OR1J2: variants seen among roughly 807,000 people sequenced by gnomAD.
OR1J2 encodes olfactory receptor 1J2.
For synonymous variants in OR1J2, 142 were observed against 99.7 expected, an observed-to-expected ratio of 1.42 and a Z score of -2.52; for missense variants, 304 against 246.1, an observed-to-expected ratio of 1.24 and a Z score of -1.57.
At chr9:122,574,362 T>G in the OR1J2 span, among the ~76,000 whole-genome samples, 3 of 152,208 alleles carry the variant, frequency 2.0e-5, no homozygotes, top group African/African-American at 7.2e-5. Flanking sequence ...TTAGTTCTTT[T>G]ATCTTTCATC....
the OR1J2 span, among the ~76,000 whole-genome samples, chr9:122,578,172 T>G: frequency 6.6e-6 from 1 of 152,186 alleles, no homozygotes; most frequent in African/African-American, 2.4e-5. Context: ...TATACAAGGC[T>G]GAGTGCAGTG....
At chr9:122,516,072 G>A (rs1194958844), downstream of OR1J2, among the ~76,000 whole-genome samples, 1 of 152,064 alleles carries the variant, frequency 6.6e-6, no homozygotes, top group Non-Finnish European at 1.5e-5. Context: ...CAGGGATTAT[G>A]TTCACAATTC....
chr9:122,543,714 C>T, the OR1J2 span, among the ~76,000 whole-genome samples: 1 of 152,094 alleles, frequency 6.6e-6, no homozygotes, highest in Non-Finnish European at 1.5e-5. Context: ...GTTGACTGTC[C>T]CAGCTAACTT....
the OR1J2 span, among the ~76,000 whole-genome samples, chr9:122,563,237 T>G: frequency 3.9e-5 from 6 of 152,086 alleles, no homozygotes; most frequent in Non-Finnish European, 7.4e-5. Context: ...TGAGGTGATA[T>G]CTCATTGTGT....
At chr9:122,554,149 C>T in the OR1J2 span, 1 of 1,610,910 alleles carries the variant, frequency 6.2e-7, no homozygotes, top group Non-Finnish European at 8.5e-7. Flanking sequence ...AGTGGAAAAA[C>T]ATTCTTTTTA....
chr9:122,543,963 G>C, the OR1J2 span, among the ~76,000 whole-genome samples: 1 of 152,138 alleles, frequency 6.6e-6, no homozygotes, highest in Non-Finnish European at 1.5e-5. Flanking sequence ...ACCGATTTTG[G>C]TTATCATAAT....
At chr9:122,465,331 C>G in the OR1J2 span, among the ~76,000 whole-genome samples, 1 of 152,162 alleles carries the variant, frequency 6.6e-6, no homozygotes, top group South Asian at 2.1e-4. Context: ...CCTATCATTC[C>G]CTGACAGGGC....
chr9:122,530,238 G>A, the OR1J2 span, among the ~76,000 whole-genome samples: 1 of 152,168 alleles, frequency 6.6e-6, no homozygotes, highest in Non-Finnish European at 1.5e-5. Context: ...AAATCAGAAG[G>A]AGGAGTATTT....
At chr9:122,545,170 C>T in the OR1J2 span, among the ~76,000 whole-genome samples, 1 of 151,752 alleles carries the variant, frequency 6.6e-6, no homozygotes, top group Non-Finnish European at 1.5e-5. Context: ...TTTATAATTT[C>T]ATCTTAGTTG....
chr9:122,576,336 C>G, the OR1J2 span, among the ~76,000 whole-genome samples: 1 of 151,964 alleles, frequency 6.6e-6, no homozygotes, highest in East Asian at 1.9e-4. Flanking sequence ...ATTCTCCTGG[C>G]TCAGCCTCCC....
the OR1J2 span, chr9:122,526,783 C>T: frequency 2.5e-6 from 4 of 1,614,060 alleles, no homozygotes; most frequent in Non-Finnish European, 3.4e-6. Flanking sequence ...TGAGCAATTT[C>T]CCCAGTCACA....
chr9:122,580,293 T>TCTAA, the OR1J2 span, among the ~76,000 whole-genome samples: 1 of 152,090 alleles, frequency 6.6e-6, no homozygotes, highest in Admixed American at 6.6e-5. Context: ...TATTGAGGAC[T>TCTAA]CTAACTGTAA....
At chr9:122,472,760 C>T in the OR1J2 span, among the ~76,000 whole-genome samples, 1 of 152,136 alleles carries the variant, frequency 6.6e-6, no homozygotes, top group Admixed American at 6.5e-5. Context: ...TTTGAAAAGA[C>T]ATTTAAAAAA....
chr9:122,478,652 T>C, the OR1J2 span, among the ~76,000 whole-genome samples: 1 of 152,226 alleles, frequency 6.6e-6, no homozygotes, highest in Non-Finnish European at 1.5e-5. Flanking sequence ...ATATATGTAC[T>C]ATTCTAGAAG....
chr9:122,571,695 A>G, the OR1J2 span, among the ~76,000 whole-genome samples: 7 of 150,284 alleles, frequency 4.7e-5, no homozygotes, highest in African/African-American at 1.7e-4. Context: ...CAGCCTGGCG[A>G]CAGAGCGAGA....
chr9:122,535,267 G>A, the OR1J2 span, among the ~76,000 whole-genome samples: 2 of 152,054 alleles, frequency 1.3e-5, no homozygotes, highest in Non-Finnish European at 2.9e-5. Flanking sequence ...TGGGGTTCCT[G>A]CCCCTCCCCC....
chr9:122,500,453 A>T, the OR1J2 span, among the ~76,000 whole-genome samples: 5 of 152,186 alleles, frequency 3.3e-5, no homozygotes, highest in African/African-American at 1.2e-4. Context: ...ATTCTGGTGG[A>T]TTCTCATTTT....
At chr9:122,478,120 G>A in the OR1J2 span, among the ~76,000 whole-genome samples, 1 of 152,200 alleles carries the variant, frequency 6.6e-6, no homozygotes, top group Non-Finnish European at 1.5e-5. Context: ...AGTCGATATA[G>A]CTACTTTCTT....
At chr9:122,521,873 T>C in the OR1J2 span, among the ~76,000 whole-genome samples, 1 of 152,222 alleles carries the variant, frequency 6.6e-6, no homozygotes, top group African/African-American at 2.4e-5. Context: ...TCATTTATGT[T>C]TTAGCCACAG....
Sources: allele counts gnomAD v4.1 joint callset (sites outside exome capture counted in the v4.1 genomes callset), GRCh38; gene constraint gnomAD v4.1.1; transcripts MANE v1.5; gene names NCBI Gene and HGNC (gene_info 2026-07-23, HGNC 2026-07-21).